The following FRMD6 variants were observed in gnomAD, a reference collection of about 807,000 sequenced individuals.
FRMD6 encodes the protein FERM domain-containing protein 6.
A neutral mutation model predicts 73.2 loss-of-function variants in FRMD6; 37 were observed. The observed-to-expected ratio is 0.51, with a 90% CI of 0.39 to 0.66. The LOEUF (loss-of-function observed/expected upper bound fraction) is 0.66. Ranked by LOEUF, FRMD6 falls within the 30% of genes least tolerant of loss-of-function variation. The pLI is 0.00. For synonymous variants in FRMD6, 273 were observed against 282.2 expected (o/e 0.97, Z 0.33); for missense variants, 714 against 780.5 (o/e 0.91, Z 1.02).
chr14:51,714,587 G>T (rs1326111476), intron 9 of FRMD6: 1 of 152,192 alleles, frequency 6.6e-6, no homozygotes, highest in Non-Finnish European at 1.5e-5. Context: ...TTAGTGATCA[G>T]ATTTGAAGAA....
intron 1 of FRMD6, among the ~76,000 whole-genome samples, chr14:51,673,813 C>T (rs1218708652): frequency 2.0e-5 from 3 of 152,322 alleles, no homozygotes; most frequent in South Asian, 4.1e-4. Context: ...AAAGTAATCA[C>T]TTGCCAGTGG....
chr14:51,704,288 T>C (rs1171618227), intron 5 of FRMD6, among the ~76,000 whole-genome samples: 1 of 152,134 alleles, frequency 6.6e-6, no homozygotes, highest in Non-Finnish European at 1.5e-5. Context: ...ATTTGTAGTG[T>C]GTTCAGTTAA....
chr14:51,672,784 T>C (rs1894103241), intron 1 of FRMD6, among the ~76,000 whole-genome samples: 1 of 152,214 alleles, frequency 6.6e-6, no homozygotes, highest in Non-Finnish European at 1.5e-5. Context: ...TGTTTTCGAA[T>C]TTATTAATGT....
chr14:51,421,460 G>A, the FRMD6 span, among the ~76,000 whole-genome samples: 3 of 152,316 alleles, frequency 2.0e-5, no homozygotes, highest in East Asian at 3.9e-4. Flanking sequence ...AAAAAAGAGT[G>A]GAAAAGAGTT....
At chr14:51,657,056 A>T (rs562134443) in intron 1 of FRMD6, among the ~76,000 whole-genome samples, 2 of 152,304 alleles carry the variant, frequency 1.3e-5, no homozygotes, top group South Asian at 2.1e-4. Flanking sequence ...GAAATCATTT[A>T]AAAAAATTAA....
intron 2 of FRMD6, among the ~76,000 whole-genome samples, chr14:51,646,898 A>G (rs1387476147): frequency 6.6e-6 from 1 of 151,884 alleles, no homozygotes; most frequent in East Asian, 1.9e-4. Flanking sequence ...GTAATTCTCT[A>G]CGATGGGCCC....
rs150112775 is a variant in FRMD6 at position 51,720,084 on chromosome 14, A to G, written c.1054A>G (p.Ser352Gly). 5 of 1,613,298 alleles carry G rather than the reference A, an allele frequency of 3.1e-6. No homozygotes were observed. Among genetic ancestry groups the G allele is most frequent in the Non-Finnish European group, 4.2e-6 (5 of 1,179,746 alleles). ...EKKQYRESYI[S>G]DNLDLDMDQL... is the part of the protein sequence containing the mutation. ...GAAGCAGTACCGGGAATCTTACATC[A>G]GTGACAACCTGGACCTCGACATGGA... Residue 352 changes from serine to glycine, a missense_variant, in exon 11 of 14, where the codon AGT becomes GGT. Ser to Gly is a moderately conservative substitution (Grantham distance 56). Transcript: ENST00000344768.
chr14:51,509,910 G>A (rs1348621036), intron 1 of FRMD6, among the ~76,000 whole-genome samples: 2 of 152,178 alleles, frequency 1.3e-5, no homozygotes, highest in Non-Finnish European at 2.9e-5. Context: ...TCAGGCATTA[G>A]CCACTGCCCT....
intron 2 of FRMD6, among the ~76,000 whole-genome samples, chr14:51,602,913 A>T (rs894856574): frequency 6.6e-6 from 1 of 152,206 alleles, no homozygotes; most frequent in South Asian, 2.1e-4. Flanking sequence ...GTATAGCTAT[A>T]CAATTGATTG....
chr14:51,680,177 C>G (rs369313611), intron 1 of FRMD6, among the ~76,000 whole-genome samples: 98 of 152,158 alleles, frequency 6.4e-4, no homozygotes, highest in African/African-American at 2.3e-3. Flanking sequence ...GCTCTGTAAC[C>G]AGGCTTCTCA....
intron 1 of FRMD6, among the ~76,000 whole-genome samples, chr14:51,662,871 T>A (rs1893318896): frequency 6.6e-6 from 1 of 152,052 alleles, no homozygotes; most frequent in African/African-American, 2.4e-5. Context: ...AAGAAAATAT[T>A]TGCAAAGTAT....
chr14:51,566,028 G>T lies in FRMD6; in HGVS notation c.-209-4320G>T, dbSNP rs1887752631. Among the ~76,000 whole-genome samples, 4 of 152,168 alleles carry T rather than the reference G, an allele frequency of 2.6e-5. 1 individual carries two copies. The highest frequency in any genetic ancestry group is 2.6e-4 in the Admixed American group (4 of 15,286). On this transcript the variant is annotated intron_variant, in intron 1 of 14. Transcript: ENST00000356218. Reference sequence around the variant, plus strand: ...AAATACAAAAAAATTAGCCGGGTGTGGTGGCGGGCGCCTGTAGTCCCAGCT... The same window carrying T: ...AAATACAAAAAAATTAGCCGGGTGTTGTGGCGGGCGCCTGTAGTCCCAGCT...
chr14:51,558,754 A>G (rs999840384), intron 1 of FRMD6, among the ~76,000 whole-genome samples: 3 of 152,224 alleles, frequency 2.0e-5, no homozygotes, highest in East Asian at 1.9e-4. Flanking sequence ...TGTTTTAACT[A>G]TTTGAGAAAA....
intron 1 of FRMD6, among the ~76,000 whole-genome samples, chr14:51,536,087 T>TAGAG (rs1428002064): frequency 1.5e-5 from 2 of 137,536 alleles, no homozygotes; most frequent in South Asian, 2.3e-4. Flanking sequence ...TTTATATATA[T>TAGAG]ATATATATAT....
chr14:51,691,582 ATTTTGATTTTT>A (rs143847209), intron 2 of FRMD6, among the ~76,000 whole-genome samples: 4 of 105,566 alleles, frequency 3.8e-5, no homozygotes, highest in Non-Finnish European at 8.4e-5. Context: ...ATTTATTTTG[ATTTTGATTTTT>A]TTTTTTTTTT....
At chr14:51,583,867 T>G (rs1888874153) in intron 2 of FRMD6, among the ~76,000 whole-genome samples, 1 of 152,108 alleles carries the variant, frequency 6.6e-6, no homozygotes, top group African/African-American at 2.4e-5. Context: ...ATTGGAGGTT[T>G]TAGGAAGCAA....
At chr14:51,682,340 A>G (rs2140310695) in intron 1 of FRMD6, among the ~76,000 whole-genome samples, 1 of 151,550 alleles carries the variant, frequency 6.6e-6, no homozygotes, top group East Asian at 1.9e-4. Flanking sequence ...TTGGAGAGAA[A>G]CTTTAAAACT....
chr14:51,560,377 C>T (rs1159729986), intron 1 of FRMD6, among the ~76,000 whole-genome samples: 1 of 152,142 alleles, frequency 6.6e-6, no homozygotes, highest in African/African-American at 2.4e-5. Flanking sequence ...TTCATGTAGG[C>T]CGGCAACAGT....
intron 1 of FRMD6, among the ~76,000 whole-genome samples, chr14:51,678,331 T>C (rs1303299670): frequency 1.3e-5 from 2 of 152,178 alleles, no homozygotes; most frequent in Non-Finnish European, 2.9e-5. Flanking sequence ...TCTCCTTATG[T>C]GTTTGCTTTC....
Sources: gnomAD v4.1 joint callset for allele counts (sites outside exome capture counted in the v4.1 genomes callset) on GRCh38, gnomAD v4.1.1 for gene constraint, MANE v1.5 for transcripts, NCBI Gene and HGNC (gene_info 2026-07-23, HGNC 2026-07-21) for gene names.